CTTNBP2: variants seen among roughly 807,000 people sequenced by gnomAD.
The protein encoded by CTTNBP2 is cortactin binding protein 2.
Under a neutral mutation model 156.9 loss-of-function variants are expected in CTTNBP2, and 108 were observed. The ratio of observed to expected loss-of-function variants is 0.69; its 90% CI spans 0.59 to 0.81. The LOEUF is 0.81. Among genes scored for constraint, CTTNBP2 ranks in the 30% least tolerant of loss-of-function variants. The probability of loss-of-function intolerance (pLI) is 0.00; values close to 1 mark genes in which losing one functional copy is unlikely to be tolerated. For synonymous variants in CTTNBP2, 767 were observed against 751.8 expected (o/e 1.02, Z -0.33); for missense variants, 1,924 against 2,035.4 (o/e 0.95, Z 1.05).
At chr7:117,837,393 T>C (rs1204396376) in intron 2 of CTTNBP2, among the ~76,000 whole-genome samples, 1 of 152,204 alleles carries the variant, frequency 6.6e-6, no homozygotes, top group Non-Finnish European at 1.5e-5. Flanking sequence ...TTCTGATTTC[T>C]GCCTCTCTCT....
intron 2 of CTTNBP2, among the ~76,000 whole-genome samples, chr7:117,836,637 T>C (rs539241023): frequency 6.6e-6 from 1 of 152,344 alleles, no homozygotes; most frequent in East Asian, 1.9e-4. Context: ...ACGTCACTCT[T>C]GTACAAAATA....
intron 3 of CTTNBP2, among the ~76,000 whole-genome samples, chr7:117,799,115 AATG>A (rs980302161): frequency 2.6e-5 from 4 of 151,916 alleles, no homozygotes; most frequent in African/African-American, 9.7e-5. Context: ...AGAAAAAAAA[AATG>A]ATGCCAAACT....
At chr7:117,862,187 G>C (rs144223132) in intron 1 of CTTNBP2, among the ~76,000 whole-genome samples, 300 of 152,194 alleles carry the variant, frequency 2.0e-3, no homozygotes, top group African/African-American at 7.1e-3. Flanking sequence ...GGTTATCAAA[G>C]TGACTTCTTA....
rs200917866 is a variant in CTTNBP2, at chr7:117,760,650, G to A, written c.2957C>T (p.Ser986Phe). The change falls in exon 10 of 23, where the codon TCT becomes TTT. Residue 986 changes from serine to phenylalanine, a missense_variant. Ser to Phe is a radical substitution (Grantham distance 155, BLOSUM62 -2). Transcript: ENST00000160373. ...TGTGTTTTCACATTCCAAGTCATCA[G>A]AACCATAGTTGCTTGGTTCAATCTC... The part of the protein sequence containing the change: ...VGEIEPSNYG[S>F]DDLECENTIC... 17 of 1,613,372 alleles carry A rather than the reference G, an allele frequency of 1.1e-5. No individual in the cohort carries two copies. Among genetic ancestry groups the A allele is most frequent in the Non-Finnish European group, 1.4e-5 (17 of 1,179,546 alleles).
chr7:117,747,782 A>G (rs1356003475), intron 12 of CTTNBP2, among the ~76,000 whole-genome samples: 1 of 152,198 alleles, frequency 6.6e-6, no homozygotes, highest in Non-Finnish European at 1.5e-5. Flanking sequence ...CAAGGTTAAA[A>G]AGAAAAAAGA....
chr7:117,743,896 A>C (rs1237381665), intron 14 of CTTNBP2, among the ~76,000 whole-genome samples: 2 of 152,070 alleles, frequency 1.3e-5, no homozygotes, highest in East Asian at 3.9e-4. Context: ...TTCTAGCCCA[A>C]GACTGGCCTG....
At chr7:117,735,949 G>A (rs938637199) in intron 14 of CTTNBP2, among the ~76,000 whole-genome samples, 7 of 152,274 alleles carry the variant, frequency 4.6e-5, no homozygotes, top group South Asian at 2.1e-4. Flanking sequence ...AAGGGTTTGC[G>A]ATAAGGGGGA....
chr7:117,724,495 G>A, intron 19 of CTTNBP2, 52 bp downstream of exon 19: 1 of 1,468,416 alleles, frequency 6.8e-7, no homozygotes, highest in Middle Eastern at 2.4e-4. Context: ...TCAGACACTG[G>A]ATCACGTATG....
chr7:117,755,746 T>C (rs1388121118), intron 12 of CTTNBP2, among the ~76,000 whole-genome samples: 1 of 152,264 alleles, frequency 6.6e-6, no homozygotes, highest in African/African-American at 2.4e-5. Context: ...GATCATATTC[T>C]TCTTCTTCCT....
At chr7:117,804,434 A>C (rs1799808622) in intron 3 of CTTNBP2, among the ~76,000 whole-genome samples, 1 of 152,246 alleles carries the variant, frequency 6.6e-6, no homozygotes, top group Non-Finnish European at 1.5e-5. Flanking sequence ...AAAGCTGATC[A>C]AACTGTGATC....
chr7:117,751,385 AG>A (rs1329748992), intron 12 of CTTNBP2, among the ~76,000 whole-genome samples: 1 of 152,254 alleles, frequency 6.6e-6, no homozygotes, highest in Non-Finnish European at 1.5e-5. Flanking sequence ...GAAAAATAAA[AG>A]GGCATTATGG....
intron 19 of CTTNBP2, 68 bp from the exon 20 acceptor site, chr7:117,721,198 G>C: frequency 1.1e-6 from 1 of 944,924 alleles, no homozygotes; most frequent in East Asian, 2.4e-5. Flanking sequence ...GTATTTAAAA[G>C]AAACAGACTG....
At chr7:117,721,199 A>G in intron 19 of CTTNBP2, 69 bp from the exon 20 acceptor site, 1 of 948,514 alleles carries the variant, frequency 1.1e-6, no homozygotes, top group South Asian at 1.3e-5. Flanking sequence ...TATTTAAAAG[A>G]AACAGACTGT....
intron 22 of CTTNBP2, among the ~76,000 whole-genome samples, chr7:117,717,727 G>A (rs1794509439): frequency 6.9e-6 from 1 of 145,224 alleles, no homozygotes; most frequent in Non-Finnish European, 1.5e-5. Flanking sequence ...AATATTTCTA[G>A]TTTTGTCATA....
intron 13 of CTTNBP2, 21 bp downstream of exon 13, chr7:117,745,992 T>C: frequency 6.2e-7 from 1 of 1,612,070 alleles, no homozygotes; most frequent in Non-Finnish European, 8.5e-7. Context: ...GAAAAGCAGC[T>C]GATATACAAG....
chr7:117,791,712 G>T lies in CTTNBP2; in HGVS notation c.1484C>A (p.Ala495Glu), dbSNP rs934665746. Reference protein sequence around the residue: ...KQLARNTVTQALSRFTSPQAG... With the variant: ...KQLARNTVTQELSRFTSPQAG... ...TTGAGGGCTTGTAAATCTTGACAGTGCTTGGGTCACAGTATTCCGAGCTAG... is the reference window on the plus strand; with the variant it reads ...TTGAGGGCTTGTAAATCTTGACAGTTCTTGGGTCACAGTATTCCGAGCTAG... The change falls in exon 4 of 23, where the codon GCA becomes GAA. Residue 495 changes from alanine (A) to glutamate (E), a missense_variant. By Grantham distance (107) the Ala-to-Glu change is moderately radical. Coordinates refer to ENST00000160373, the MANE Select transcript of CTTNBP2 (RefSeq NM_033427.3). 1.2e-6 allele frequency: 2 copies of T among 1,614,074 alleles called. No individual in the cohort carries two copies. Among genetic ancestry groups the T allele is most frequent in the African/African-American group, 2.7e-5 (2 of 74,926 alleles).
At chr7:117,743,652 C>T (rs541583538) in intron 14 of CTTNBP2, among the ~76,000 whole-genome samples, 1 of 149,644 alleles carries the variant, frequency 6.7e-6, no homozygotes, top group African/African-American at 2.5e-5. Flanking sequence ...GCCCCAGCTA[C>T]TCGGGAGGCT....
intron 8 of CTTNBP2, among the ~76,000 whole-genome samples, chr7:117,775,694 C>T (rs1010491568): frequency 6.6e-6 from 1 of 151,676 alleles, no homozygotes; most frequent in Non-Finnish European, 1.5e-5. Context: ...AGGTTGCAAA[C>T]TACCCTTTCC....
At chr7:117,796,880 A>G (rs544545128) in intron 3 of CTTNBP2, among the ~76,000 whole-genome samples, 116 of 152,342 alleles carry the variant, frequency 7.6e-4, no homozygotes, top group African/African-American at 2.6e-3. Context: ...AGTAATGGAG[A>G]AGCAATGGTT....
Sources: gnomAD v4.1 joint callset for allele counts (sites outside exome capture counted in the v4.1 genomes callset) on GRCh38, gnomAD v4.1.1 for gene constraint, MANE v1.5 for transcripts, NCBI Gene and HGNC (gene_info 2026-07-23, HGNC 2026-07-21) for gene names.